The following FKBP5 variants were observed in gnomAD, a reference collection of about 807,000 sequenced individuals.
FKBP5 encodes peptidyl-prolyl cis-trans isomerase FKBP5.
In FKBP5, 23 loss-of-function variants were observed where a neutral mutation model predicts 50.5. That is an observed-to-expected ratio of 0.46 (90% confidence interval 0.33 to 0.65). The LOEUF (loss-of-function observed/expected upper bound fraction) is 0.65, where lower values mean the gene tolerates loss of function less well. Among genes scored for constraint, FKBP5 ranks in the 30% least tolerant of loss-of-function variants. The pLI, the probability that FKBP5 is intolerant of heterozygous loss-of-function variation, is 0.02. For synonymous variants in FKBP5, 176 were observed against 190.6 expected (o/e 0.92, Z 0.63); for missense variants, 411 against 553.1 (o/e 0.74, Z 2.58).
At chr6:35,651,982 A>C (rs985603060) in intron 1 of FKBP5, 1 of 328,856 alleles carries the variant, frequency 3.0e-6, no homozygotes, top group African/African-American at 2.2e-5. Flanking sequence ...AACCGGCTGA[A>C]GCCATGACAG....
At chr6:35,682,251 CTTAA>C (rs771806177) in intron 1 of FKBP5, among the ~76,000 whole-genome samples, 72 of 152,140 alleles carry the variant, frequency 4.7e-4, no homozygotes, top group Non-Finnish European at 8.1e-4. Context: ...CATGGAAAAA[CTTAA>C]TTAATTAATA....
chr6:35,591,932 GA>G (rs1198265769), intron 6 of FKBP5, among the ~76,000 whole-genome samples: 1 of 152,042 alleles, frequency 6.6e-6, no homozygotes, highest in African/African-American at 2.4e-5. Context: ...AAAACTTACT[GA>G]AAAAAATAAC....
chr6:35,712,787 G>A (rs1415866918), intron 2 of FKBP5, among the ~76,000 whole-genome samples: 1 of 152,184 alleles, frequency 6.6e-6, no homozygotes, highest in Non-Finnish European at 1.5e-5. Flanking sequence ...ACTCACTTCT[G>A]ATGGCAGGAA....
intron 5 of FKBP5, among the ~76,000 whole-genome samples, chr6:35,609,055 G>A (rs1291367097): frequency 6.6e-6 from 1 of 152,178 alleles, no homozygotes; most frequent in Non-Finnish European, 1.5e-5. Flanking sequence ...CCAAAGTGTA[G>A]GGATTACAGG....
At chr6:35,682,749 A>G (rs1318874113) in intron 1 of FKBP5, among the ~76,000 whole-genome samples, 2 of 152,014 alleles carry the variant, frequency 1.3e-5, no homozygotes, top group African/African-American at 2.4e-5. Flanking sequence ...ATTCAAATGT[A>G]CTACATTTTT....
chr6:35,583,490 A>C, intron 8 of FKBP5: 1 of 985,446 alleles, frequency 1.0e-6, no homozygotes. Context: ...ATGTAACTTT[A>C]TTTAGACTTC....
chr6:35,721,700 C>T lies in FKBP5; in HGVS notation c.-240-1152G>A, dbSNP rs188625187. ...AACTCCTGACCTCAGGTGATCTGCCCGCCTCGGCCTCCCAAAGTGCTGGGA... is the reference window on the plus strand; with the variant it reads ...AACTCCTGACCTCAGGTGATCTGCCTGCCTCGGCCTCCCAAAGTGCTGGGA... On this transcript the variant is annotated intron_variant, in intron 1 of 11. Coordinates refer to the FKBP5 transcript ENST00000536438. Among the ~76,000 whole-genome samples the T allele has an allele frequency of 3.4e-3, 513 of 152,294 alleles. 2 individuals carry two copies. Among genetic ancestry groups the T allele is most frequent in the African/African-American group, 0.012 (490 of 41,578 alleles).
At chr6:35,583,486 C>T in intron 8 of FKBP5, 1 of 985,382 alleles carries the variant, frequency 1.0e-6, no homozygotes, top group Non-Finnish European at 1.2e-6. Context: ...TATCATGTAA[C>T]TTTATTTAGA....
At chr6:35,602,788 C>T (rs184733857) in intron 5 of FKBP5, among the ~76,000 whole-genome samples, 22 of 152,262 alleles carry the variant, frequency 1.4e-4, no homozygotes, top group African/African-American at 2.4e-5. Flanking sequence ...CGGACAGATG[C>T]TAACAGGCGT....
rs374969529 is a variant in FKBP5, at chr6:35,575,799, C to T, written c.*36G>A. The stretch of plus-strand genomic sequence containing the variant: ...GGGGGAAAGCCCATTGAGGAGGGGC[C>T]GAGTTCACTGGGACTCTTCCCTCCT... On this transcript the variant is annotated 3_prime_UTR_variant, in exon 11 of 11. Coordinates refer to ENST00000357266, the MANE Select transcript of FKBP5 (RefSeq NM_004117.4). 1.1e-4 allele frequency: 156 copies of T among 1,364,006 alleles called. No homozygotes were observed. Among genetic ancestry groups the T allele is most frequent in the Non-Finnish European group, 1.5e-4 (146 of 951,740 alleles). 84.5% of individuals were successfully genotyped at this position (1,364,006 alleles called of 1,614,324 possible).
At chr6:35,581,767 T>C (rs1762439634) in intron 8 of FKBP5, 1 of 985,430 alleles carries the variant, frequency 1.0e-6, no homozygotes, top group Non-Finnish European at 1.2e-6. Flanking sequence ...CCACAGATGA[T>C]ACATCCTGCC....
At chr6:35,700,890 C>A (rs1368541900) in intron 2 of FKBP5, among the ~76,000 whole-genome samples, 1 of 152,038 alleles carries the variant, frequency 6.6e-6, no homozygotes, top group Non-Finnish European at 1.5e-5. Context: ...ACCCAGGAGG[C>A]AGAGGCTGCA....
chr6:35,612,557 T>G (rs908217418), intron 5 of FKBP5, among the ~76,000 whole-genome samples: 6 of 152,250 alleles, frequency 3.9e-5, no homozygotes, highest in Non-Finnish European at 5.9e-5. Flanking sequence ...CACGCTGCCA[T>G]GAAGAACTGC....
At chr6:35,580,707 T>A (rs1762402129) in intron 8 of FKBP5, 8 of 266,912 alleles carry the variant, frequency 3.0e-5, no homozygotes, top group Non-Finnish European at 4.6e-5. Flanking sequence ...GCCCAGCTAT[T>A]TTTTTTTGTA....
At chr6:35,654,718 G>A (rs897015744) in intron 1 of FKBP5, among the ~76,000 whole-genome samples, 4 of 152,066 alleles carry the variant, frequency 2.6e-5, no homozygotes, top group Admixed American at 6.6e-5. Flanking sequence ...TCCACTTCCC[G>A]GGTTCAAGCG....
chr6:35,657,137 C>G (rs1459855563), intron 1 of FKBP5, among the ~76,000 whole-genome samples: 3 of 152,010 alleles, frequency 2.0e-5, no homozygotes, highest in Non-Finnish European at 4.4e-5. Context: ...ATGGCGTGAA[C>G]CCGGGAGGCG....
intron 8 of FKBP5, chr6:35,584,217 C>T: frequency 2.0e-6 from 2 of 985,348 alleles, no homozygotes; most frequent in South Asian, 9.4e-5. Flanking sequence ...ATTTTCAGAG[C>T]CAAATAGAGT....
intron 2 of FKBP5, among the ~76,000 whole-genome samples, chr6:35,714,783 C>A (rs1766483475): frequency 1.4e-5 from 2 of 142,780 alleles, no homozygotes; most frequent in African/African-American, 2.6e-5. Flanking sequence ...CATTGCACTC[C>A]AGCCTAGGCA....
upstream of FKBP5, among the ~76,000 whole-genome samples, chr6:35,693,076 TAAAAAAAAAAAAAA>T (rs35498093): frequency 2.5e-5 from 2 of 80,784 alleles, no homozygotes; most frequent in Admixed American, 1.8e-4. Context: ...TCTTTTCAGC[TAAAAAAAAAAAAAA>T]AAAAAAAATC....
Sources: gnomAD v4.1 joint callset for allele counts (sites outside exome capture counted in the v4.1 genomes callset) on GRCh38, gnomAD v4.1.1 for gene constraint, MANE v1.5 for transcripts, NCBI Gene and HGNC (gene_info 2026-07-23, HGNC 2026-07-21) for gene names.